The following MTMR7 variants were observed in gnomAD, a reference collection of about 807,000 sequenced individuals.
MTMR7 encodes the protein phosphatidylinositol-3-phosphate phosphatase MTMR7.
A neutral mutation model predicts 81.2 loss-of-function variants in MTMR7; 76 were observed. That is an observed-to-expected ratio of 0.94 (90% CI 0.78 to 1.13). The LOEUF is 1.13. Ranked by LOEUF, MTMR7 falls within the 50% of genes most tolerant of loss-of-function variation. The pLI, the probability that MTMR7 is intolerant of heterozygous loss-of-function variation, is 0.00. For synonymous variants in MTMR7, 372 were observed against 289.8 expected, an observed-to-expected ratio of 1.28 and a Z score of -2.88; for missense variants, 1,044 against 820.0, an observed-to-expected ratio of 1.27 and a Z score of -3.34.
intron 1 of MTMR7, among the ~76,000 whole-genome samples, chr8:17,399,783 C>T (rs1048871002): frequency 5.9e-5 from 9 of 151,362 alleles, no homozygotes; most frequent in South Asian, 4.2e-4. Flanking sequence ...TCACAGTAGT[C>T]GAGATTTGGA....
intron 1 of MTMR7, among the ~76,000 whole-genome samples, chr8:17,407,397 A>C (rs1387544012): frequency 6.6e-6 from 1 of 152,178 alleles, no homozygotes; most frequent in African/African-American, 2.4e-5. Context: ...GAAAGTGTTA[A>C]ATGACATAAC....
intron 1 of MTMR7, among the ~76,000 whole-genome samples, chr8:17,390,376 A>G (rs1821071297): frequency 6.6e-6 from 1 of 152,114 alleles, no homozygotes; most frequent in Admixed American, 6.5e-5. Context: ...TCACAAGAGC[A>G]GCACCAAGGC....
intron 1 of MTMR7, among the ~76,000 whole-genome samples, chr8:17,386,442 C>A (rs566693778): frequency 6.6e-6 from 1 of 152,334 alleles, no homozygotes; most frequent in Non-Finnish European, 1.5e-5. Flanking sequence ...CCACCTCTAT[C>A]TCCTAGGACT....
chr8:17,358,419 C>G (rs1363581854), intron 4 of MTMR7, among the ~76,000 whole-genome samples: 3 of 152,090 alleles, frequency 2.0e-5, no homozygotes, highest in African/African-American at 7.2e-5. Context: ...CATGTTAGGA[C>G]TTAAGGAGAA....
chr8:17,309,022 A>G (rs1817641706), intron 10 of MTMR7, among the ~76,000 whole-genome samples: 1 of 152,226 alleles, frequency 6.6e-6, no homozygotes, highest in South Asian at 2.1e-4. Context: ...GCTGATCCTC[A>G]CTAAGACAAT....
intron 9 of MTMR7, 63 bp from the exon 10 acceptor site, chr8:17,309,389 C>G (rs1185154973): frequency 8.8e-7 from 1 of 1,132,112 alleles, no homozygotes; most frequent in Non-Finnish European, 1.3e-6. Flanking sequence ...GACCACACAA[C>G]CAATAATGTT....
chr8:17,338,391 T>C (rs1235522115), intron 6 of MTMR7, among the ~76,000 whole-genome samples: 1 of 152,166 alleles, frequency 6.6e-6, no homozygotes, highest in African/African-American at 2.4e-5. Context: ...AATTAGTAGG[T>C]GAATCTGTCT....
At chr8:17,375,276 C>T (rs1820547801) in intron 1 of MTMR7, among the ~76,000 whole-genome samples, 1 of 152,010 alleles carries the variant, frequency 6.6e-6, no homozygotes, top group Admixed American at 6.6e-5. Flanking sequence ...CCAAGCCAGC[C>T]CTCTAGGAGT....
chr8:17,311,614 C>T lies in MTMR7; in HGVS notation c.998G>A (p.Ser333Asn), dbSNP rs1169960820. The T allele has an allele frequency of 3.1e-6, 5 of 1,614,038 alleles. No homozygotes were observed. The African/African-American group carries it at 4.0e-5, about 13-fold the overall frequency. Residue 333 changes from serine (S) to asparagine (N), a missense_variant, in exon 9 of 14, where the codon AGT becomes AAT. Ser to Asn is a conservative substitution (Grantham distance 46, BLOSUM62 1). Coordinates refer to ENST00000180173, the MANE Select transcript of MTMR7 (RefSeq NM_004686.5). ...IAKAVSEEGASVLVHCSDGWD... is the reference protein window; with the variant it reads ...IAKAVSEEGANVLVHCSDGWD... The stretch of plus-strand genomic sequence containing the variant: ...GCCATCAGAACAGTGAACAAGCACA[C>T]TTGCCCCTTCCTCTGACACTGCCTA...
chr8:17,408,611 G>T (rs943061902), intron 1 of MTMR7, among the ~76,000 whole-genome samples: 1 of 151,966 alleles, frequency 6.6e-6, no homozygotes, highest in South Asian at 2.1e-4. Context: ...TTCTGCTCTT[G>T]GATAAGACAA....
chr8:17,349,465 C>T (rs17124436), intron 4 of MTMR7: 3,161 of 186,434 alleles, frequency 0.017, 110 homozygotes, highest in African/African-American at 0.068. Flanking sequence ...CACCAGGAGA[C>T]AGTTTTCCTA....
intron 5 of MTMR7, among the ~76,000 whole-genome samples, chr8:17,348,601 C>CG (rs11431581): frequency 0.071 from 10,694 of 150,018 alleles, 726 homozygotes; most frequent in East Asian, 0.31. Flanking sequence ...CCATGGACTT[C>CG]GGGGGCTTTT....
intron 1 of MTMR7, among the ~76,000 whole-genome samples, chr8:17,402,907 T>C (rs1357849952): frequency 6.6e-6 from 1 of 152,236 alleles, no homozygotes; most frequent in Non-Finnish European, 1.5e-5. Context: ...TGCCAGCATT[T>C]GTTATTGCCT....
At chr8:17,337,452 A>G (rs1455427515) in intron 6 of MTMR7, among the ~76,000 whole-genome samples, 3 of 152,072 alleles carry the variant, frequency 2.0e-5, no homozygotes, top group African/African-American at 7.2e-5. Context: ...ACAAGGCTGC[A>G]GTGAGTTAGC....
Position 17,304,742 on chromosome 8 carries a change from G to A in MTMR7, c.1353-223C>T, listed in dbSNP as rs537260504. Among the ~76,000 whole-genome samples, 214 of 22,398 alleles carry A rather than the reference G, an allele frequency of 9.6e-3. 4 individuals are homozygous for A. The East Asian group carries it at 0.18, about 19-fold the overall frequency. 14.7% of individuals were successfully genotyped at this position (22,398 alleles called of 152,430 possible). On this transcript the variant is annotated intron_variant, in intron 11 of 13. Transcript: ENST00000180173. Reference sequence around the variant, plus strand: ...CTGTACTGGCCTTGACAAGGTGTTCGATTCGTGTGTGTGTGTGTGTGTGTG... The same window carrying A: ...CTGTACTGGCCTTGACAAGGTGTTCAATTCGTGTGTGTGTGTGTGTGTGTG...
At position 17,397,397 on chromosome 8, in the gene MTMR7, G is replaced by A. The variant is rs116420875; in HGVS notation, c.24+15872C>T. Among the ~76,000 whole-genome samples, 488 of 152,218 alleles carry A rather than the reference G, an allele frequency of 3.2e-3. 1 individual carries two copies. Among genetic ancestry groups the A allele is most frequent in the African/African-American group, 0.011 (453 of 41,532 alleles). ...GAATTCACCACAAGCTGACTGAAGA[G>A]CCCTTGGGCTTTAAGCGAACGTCGG... On this transcript the variant is annotated intron_variant, in intron 1 of 13. Coordinates refer to ENST00000180173, the MANE Select transcript of MTMR7 (RefSeq NM_004686.5).
rs537045252 is a variant in MTMR7 at position 17,371,632 on chromosome 8, G to A, written c.148-433C>T. 1.5e-4 allele frequency among the ~76,000 whole-genome samples: 23 copies of A among 152,288 alleles called. 1 individual carries two copies. The highest frequency in any genetic ancestry group is 6.2e-4 in the South Asian group (3 of 4,826). On this transcript the variant is annotated intron_variant, in intron 2 of 13. Coordinates refer to ENST00000180173, the MANE Select transcript of MTMR7 (RefSeq NM_004686.5). ...CTCCTTAATTCCACATGGAATGTTC[G>A]AGTTCTGTATCAACATGGGATTGTT...
chr8:17,374,027 C>T (rs1384573872), intron 1 of MTMR7, among the ~76,000 whole-genome samples: 1 of 152,202 alleles, frequency 6.6e-6, no homozygotes, highest in Non-Finnish European at 1.5e-5. Context: ...CCACCATAAC[C>T]ACCAGAGGAA....
intron 1 of MTMR7, among the ~76,000 whole-genome samples, chr8:17,411,891 T>C (rs1821745173): frequency 6.6e-6 from 1 of 152,196 alleles, no homozygotes; most frequent in African/African-American, 2.4e-5. Context: ...ACAACAGCTA[T>C]CACTTTTACA....
Sources: gnomAD v4.1 joint callset for allele counts (sites outside exome capture counted in the v4.1 genomes callset) on GRCh38, gnomAD v4.1.1 for gene constraint, MANE v1.5 for transcripts, NCBI Gene and HGNC (gene_info 2026-07-23, HGNC 2026-07-21) for gene names.